KDM3A: variants seen among roughly 807,000 people sequenced by gnomAD.
KDM3A encodes lysine-specific demethylase 3A.
In KDM3A, 60 loss-of-function variants were observed where a neutral mutation model predicts 158.0. That is an observed-to-expected ratio of 0.38 (90% CI 0.31 to 0.47). The LOEUF (loss-of-function observed/expected upper bound fraction) is 0.47, where lower values mean the gene tolerates loss of function less well. KDM3A is among the 20% of genes least tolerant of loss of function. The pLI is 0.99. For synonymous variants in KDM3A, 608 were observed against 549.3 expected, an observed-to-expected ratio of 1.11 and a Z score of -1.49; for missense variants, 1,319 against 1,574.3, an observed-to-expected ratio of 0.84 and a Z score of 2.74.
At chr2:86,473,418 T>G (rs923282365) in intron 11 of KDM3A, among the ~76,000 whole-genome samples, 2 of 152,146 alleles carry the variant, frequency 1.3e-5, no homozygotes, top group Non-Finnish European at 1.5e-5. Flanking sequence ...CAAAGTGCTG[T>G]GATTACAGTG....
chr2:86,489,380 G>A lies in KDM3A; in HGVS notation c.3376G>A (p.Ala1126Thr). Residue 1126 changes from alanine to threonine, a missense_variant, in exon 22 of 26, where the codon GCA (alanine) becomes ACA (threonine). This residue lies in a region of KDM3A where 186 missense variants were observed against 340.9 expected (regional missense o/e 0.55). Transcript: ENST00000312912. ...AAATCTTCACTTAGATGTATCTGAT[G>A]CAGCTAATGTCATGGTCTATGTGGG... Reference protein sequence around the residue: ...TTNLHLDVSDAANVMVYVGIP... With the variant: ...TTNLHLDVSDTANVMVYVGIP... The A allele has an allele frequency of 6.2e-7, 1 of 1,613,938 alleles. No homozygotes were observed. The highest frequency in any genetic ancestry group is 8.5e-7 in the Non-Finnish European group (1 of 1,179,898).
At chr2:86,446,896 C>G (rs1558603025) in intron 2 of KDM3A, among the ~76,000 whole-genome samples, 3 of 152,178 alleles carry the variant, frequency 2.0e-5, no homozygotes, top group South Asian at 2.1e-4. Flanking sequence ...ACTGCAGCCT[C>G]AACTTCCTTG....
In KDM3A at chr2:86,492,715, T is replaced by C. The variant is rs1287299577; in HGVS notation, c.*596T>C. The stretch of plus-strand genomic sequence containing the variant: ...ATTTTGCATTAAAATATTCATATAA[T>C]ATTTTGGCTCAGTTTATTGGCATTA... On this transcript the variant is annotated 3_prime_UTR_variant, in exon 26 of 26. Coordinates refer to ENST00000312912, the MANE Select transcript of KDM3A (RefSeq NM_018433.6). 2.0e-5 allele frequency: 3 copies of C among 152,424 alleles called. No homozygotes were observed. The highest frequency in any genetic ancestry group is 7.2e-5 in the African/African-American group (3 of 41,460). The allele number at this position is 152,424 out of a possible 1,614,324, so 9.4% of individuals were successfully genotyped here. A position where few individuals can be genotyped will look rare whatever the true frequency, so the allele number is the denominator to read the frequency against.
upstream of KDM3A, chr2:86,441,031 C>T (rs766356149): frequency 8.5e-5 from 13 of 152,430 alleles, no homozygotes; most frequent in African/African-American, 2.9e-4. Context: ...TTCCTCCGGG[C>T]CCCAAAGTTG....
In KDM3A at chr2:86,470,243, T is replaced by A. The variant is rs186664065; in HGVS notation, c.1559T>A (p.Leu520His). ...RKSVLTDPAK[L>H]KKLQQSGEAF... Reference sequence around the variant, plus strand: ...TCGGTTTTGACAGACCCAGCTAAACTCAAAAAGCTGCAACAGAGTGGCGAG... The same window carrying A: ...TCGGTTTTGACAGACCCAGCTAAACACAAAAAGCTGCAACAGAGTGGCGAG... The change falls in exon 11 of 26, where the codon CTC (leucine) becomes CAC (histidine). Residue 520 changes from leucine (L) to histidine (H), a missense_variant. Around this residue, in one of 4 missense-constraint regions of KDM3A, gnomAD observed 652 missense variants for 627.2 expected, o/e 1.04. Coordinates refer to ENST00000312912, the MANE Select transcript of KDM3A (RefSeq NM_018433.6). 759 of 1,614,104 alleles carry A rather than the reference T, an allele frequency of 4.7e-4. 7 individuals carry two copies. In the East Asian group the frequency reaches 0.016, roughly 33 times the overall value.
chr2:86,472,934 T>C (rs1673483545), intron 11 of KDM3A, among the ~76,000 whole-genome samples: 1 of 152,230 alleles, frequency 6.6e-6, no homozygotes, highest in Non-Finnish European at 1.5e-5. Context: ...TACCTAATTG[T>C]CTACCTTTTC....
At position 86,482,699 on chromosome 2, in the gene KDM3A, T is replaced by C. The variant is rs1673995787; in HGVS notation, c.2922+5T>C. The C allele has an allele frequency of 1.2e-6, 2 of 1,613,134 alleles. No individual in the cohort carries two copies. Among genetic ancestry groups the C allele is most frequent in the African/African-American group, 1.3e-5 (1 of 74,900 alleles). On this transcript the variant is annotated splice_donor_5th_base_variant and intron_variant, in intron 18 of 25. Coordinates refer to ENST00000312912, the MANE Select transcript of KDM3A (RefSeq NM_018433.6). Reference sequence around the variant, plus strand: ...GAGTGCTGGAAACAAGGGCAGGTAATGTAGGCCTCCCATCCTCCTGCCCTA... The same window carrying C: ...GAGTGCTGGAAACAAGGGCAGGTAACGTAGGCCTCCCATCCTCCTGCCCTA...
At chr2:86,466,294 C>T in intron 9 of KDM3A, 78 bp from the exon 10 acceptor site, 2 of 1,419,446 alleles carry the variant, frequency 1.4e-6, no homozygotes, top group East Asian at 4.6e-5. Context: ...CCTTAGGGAA[C>T]CAAACAGTTT....
intron 25 of KDM3A, chr2:86,491,608 G>A (rs148296389): frequency 3.9e-5 from 14 of 357,198 alleles, no homozygotes; most frequent in Admixed American, 2.1e-4. Flanking sequence ...CTTCAGTGCT[G>A]CAGTGTTCTC....
intron 3 of KDM3A, among the ~76,000 whole-genome samples, chr2:86,450,196 G>C (rs1007509682): frequency 6.6e-6 from 1 of 152,194 alleles, no homozygotes; most frequent in Non-Finnish European, 1.5e-5. Context: ...CAGAAGGCAG[G>C]AACTAGCAGT....
chr2:86,476,460 G>A (rs1356034739), intron 12 of KDM3A, among the ~76,000 whole-genome samples: 1 of 152,126 alleles, frequency 6.6e-6, no homozygotes, highest in Non-Finnish European at 1.5e-5. Flanking sequence ...TGATTATCCT[G>A]TTGCTCTTTC....
chr2:86,440,292 T>C (rs997854854), upstream of KDM3A, among the ~76,000 whole-genome samples: 1 of 152,246 alleles, frequency 6.6e-6, no homozygotes, highest in African/African-American at 2.4e-5. Context: ...TTTCCAAACA[T>C]TCTCTGATTA....
rs1287627586 is a variant in KDM3A, at chr2:86,466,533, G to A, written c.1169G>A (p.Cys390Tyr). The part of the protein sequence containing the change: ...LKILTEPKGS[C>Y]TQPKTNTDQE... The stretch of plus-strand genomic sequence containing the variant: ...ATTCTGACTGAGCCAAAAGGCAGCT[G>A]TACTCAGCCTAAGACAAACACTGAT... Residue 390 changes from cysteine (C) to tyrosine (Y), a missense_variant, in exon 10 of 26, where the codon TGT becomes TAT. By Grantham distance (194) the Cys-to-Tyr change is radical (BLOSUM62 -2). This residue lies in a region of KDM3A where 652 missense variants were observed against 627.2 expected (regional missense o/e 1.04). Transcript: ENST00000312912. 1.9e-6 allele frequency: 3 copies of A among 1,613,810 alleles called. No homozygotes were observed. The highest frequency in any genetic ancestry group is 2.5e-6 in the Non-Finnish European group (3 of 1,179,872).
Position 86,489,421 on chromosome 2 carries a change from G to A in KDM3A, c.3417G>A (p.Gln1139=). Residue 1139 remains glutamine (Q), a synonymous_variant, in exon 22 of 26, where the codon CAG becomes CAA. Transcript: ENST00000312912. ...TCTATGTGGGAATTCCCAAAGGACAGTGTGAGCAAGAAGAAGGTAGGGTGC... is the reference window on the plus strand; with the variant it reads ...TCTATGTGGGAATTCCCAAAGGACAATGTGAGCAAGAAGAAGGTAGGGTGC... ...VMVYVGIPKG[Q]CEQEEEVLKT... is the part of the protein sequence containing the mutation. 1 of 1,614,064 alleles carries A rather than the reference G, an allele frequency of 6.2e-7. No homozygotes were observed. The highest frequency in any genetic ancestry group is 2.2e-5 in the East Asian group (1 of 44,872).
Position 86,478,621 on chromosome 2 carries a change from T to G in KDM3A, c.2202T>G (p.Val734=). 1.2e-6 allele frequency: 2 copies of G among 1,614,140 alleles called. No homozygotes were observed. Among genetic ancestry groups the G allele is most frequent in the Non-Finnish European group, 1.7e-6 (2 of 1,179,982 alleles). The change falls in exon 15 of 26, where the codon GTT becomes GTG. Residue 734 remains valine (V), a synonymous_variant. Coordinates refer to ENST00000312912, the MANE Select transcript of KDM3A (RefSeq NM_018433.6). ...CCCTTTCTTTAGCACTCTATGATGT[T>G]GGAGACATTGTTCATTCTGTAAGAG... ...QIIPGKALYD[V]GDIVHSVRAK...
rs1421303254 is a variant in KDM3A at position 86,466,804 on chromosome 2, A to G, written c.1440A>G (p.Arg480=). ...KKVEPSALAC[R]SQNLKESSVK... Reference sequence around the variant, plus strand: ...TAGAACCTTCAGCTTTAGCTTGCCGATCACAGAATTTAAAGGAATCTTCAG... The same window carrying G: ...TAGAACCTTCAGCTTTAGCTTGCCGGTCACAGAATTTAAAGGAATCTTCAG... The change falls in exon 10 of 26, where the codon CGA becomes CGG. Residue 480 remains arginine, a synonymous_variant. Coordinates refer to ENST00000312912, the MANE Select transcript of KDM3A (RefSeq NM_018433.6). 6.2e-7 allele frequency: 1 copy of G among 1,613,356 alleles called. No individual in the cohort carries two copies. Among genetic ancestry groups the G allele is most frequent in the Non-Finnish European group, 8.5e-7 (1 of 1,179,602 alleles).
rs1558622267 is a variant in KDM3A at position 86,473,581 on chromosome 2, C to CA, written c.1725-1189dup. On this transcript the variant is annotated intron_variant, in intron 11 of 25. Transcript: ENST00000312912. ...GCAACAGGGCAAAACCCTGTCTCTA[C>CA]AAAAAATAGAAAAAGAAAATTAGCT... 3.9e-5 allele frequency among the ~76,000 whole-genome samples: 6 copies of CA among 152,086 alleles called. No homozygotes were observed. The South Asian group carries it at 6.2e-4, about 16-fold the overall frequency.
chr2:86,455,365 A>G lies in KDM3A; in HGVS notation c.556+178A>G, dbSNP rs575142393. Among the ~76,000 whole-genome samples the G allele has an allele frequency of 1.3e-3, 200 of 150,814 alleles. 2 individuals carry two copies. The highest frequency in any genetic ancestry group is 6.8e-3 in the Middle Eastern group (2 of 294). ...AGTGGTGCTGTCTTGGCTCACTGCA[A>G]CCTCTGCCTTACAAGTAGCTAGGAC... On this transcript the variant is annotated intron_variant, in intron 5 of 25. Coordinates refer to ENST00000312912, the MANE Select transcript of KDM3A (RefSeq NM_018433.6).
intron 11 of KDM3A, among the ~76,000 whole-genome samples, chr2:86,473,267 C>A (rs1006013169): frequency 6.6e-6 from 1 of 152,160 alleles, no homozygotes; most frequent in Admixed American, 6.5e-5. Flanking sequence ...CTCAAGTGAT[C>A]CTCCCATCTC....
Sources: gnomAD v4.1 joint callset for allele counts (sites outside exome capture counted in the v4.1 genomes callset) on GRCh38, gnomAD v4.1.1 for gene constraint, gnomAD v4.1.1 regional missense constraint, MANE v1.5 for transcripts, NCBI Gene and HGNC (gene_info 2026-07-23, HGNC 2026-07-21) for gene names.